NKAIN3: variants seen among roughly 807,000 people sequenced by gnomAD.
The protein encoded by NKAIN3 is sodium/potassium transporting ATPase interacting 3.
A neutral mutation model predicts 30.2 loss-of-function variants in NKAIN3; 25 were observed. The observed-to-expected ratio is 0.83, with a 90% CI of 0.60 to 1.16. The LOEUF is 1.16. Ranked by LOEUF, NKAIN3 falls within the 50% of genes most tolerant of loss-of-function variation. The pLI, the probability that NKAIN3 is intolerant of heterozygous loss-of-function variation, is 0.00. For missense variants in NKAIN3, 225 were observed against 254.1 expected, an observed-to-expected ratio of 0.89 and a Z score of 0.78; for synonymous variants, 91 against 89.6, an observed-to-expected ratio of 1.02 and a Z score of -0.09.
intron 3 of NKAIN3, among the ~76,000 whole-genome samples, chr8:62,718,758 TCCTC>T (rs1269652423): frequency 1.3e-5 from 2 of 152,166 alleles, no homozygotes; most frequent in South Asian, 2.1e-4. Flanking sequence ...ATAATGTACT[TCCTC>T]ACTCTAAGAT....
Position 62,992,050 on chromosome 8 carries a change from G to A in NKAIN3, c.533-7181G>A, listed in dbSNP as rs189497979. 2.7e-4 allele frequency among the ~76,000 whole-genome samples: 40 copies of A among 150,390 alleles called. 1 individual carries two copies. Among genetic ancestry groups the A allele is most frequent in the African/African-American group, 8.1e-4 (33 of 40,690 alleles). On this transcript the variant is annotated intron_variant, in intron 5 of 5. Transcript: ENST00000519049. ...TTTTTTTTCTTTTAGACAGAGTCTC[G>A]CTTTGTCGTCCAGGCTGCAGTGCAG... is the stretch of plus-strand genomic sequence containing the variant.
chr8:62,297,295 C>A (rs548553678), intron 1 of NKAIN3, among the ~76,000 whole-genome samples: 1 of 151,962 alleles, frequency 6.6e-6, no homozygotes, highest in Non-Finnish European at 1.5e-5. Context: ...CCAAAAGCAA[C>A]GGCAACAAAA....
intron 1 of NKAIN3, among the ~76,000 whole-genome samples, chr8:62,318,566 G>A (rs1210110495): frequency 6.7e-6 from 1 of 149,740 alleles, no homozygotes; most frequent in African/African-American, 2.5e-5. Flanking sequence ...TGTGGTTTTT[G>A]TCATTGGTTC....
At chr8:62,343,207 C>T (rs1391666946) in intron 1 of NKAIN3, among the ~76,000 whole-genome samples, 1 of 151,964 alleles carries the variant, frequency 6.6e-6, no homozygotes, top group Non-Finnish European at 1.5e-5. Context: ...CTACCCTGGG[C>T]AATTTACCTA....
At chr8:62,916,156 C>T (rs2130855391) in intron 4 of NKAIN3, among the ~76,000 whole-genome samples, 1 of 152,170 alleles carries the variant, frequency 6.6e-6, no homozygotes, top group Non-Finnish European at 1.5e-5. Context: ...TTCAATGGCA[C>T]TTCTGAAATA....
intron 1 of NKAIN3, among the ~76,000 whole-genome samples, chr8:62,282,343 G>A (rs965963349): frequency 2.6e-5 from 4 of 152,044 alleles, no homozygotes; most frequent in Admixed American, 2.0e-4. Flanking sequence ...TGTGTCCCTC[G>A]GCCTATTCTT....
intron 3 of NKAIN3, among the ~76,000 whole-genome samples, chr8:62,604,562 A>G (rs901897921): frequency 1.3e-5 from 2 of 152,156 alleles, no homozygotes; most frequent in African/African-American, 4.8e-5. Context: ...AAAGCATGTA[A>G]CACATAATTC....
rs1027339075 is a variant in NKAIN3 at position 62,808,682 on chromosome 8, G to C, written c.471+61553G>C. On this transcript the variant is annotated intron_variant, in intron 4 of 6. Coordinates refer to ENST00000623646, the MANE Select transcript of NKAIN3 (RefSeq NM_001304533.3). Reference sequence around the variant, plus strand: ...TCAAAGGGGAGGGAGTGTATGAATAGAGTGTGGGTCACAGAGATCACATGC... The same window carrying C: ...TCAAAGGGGAGGGAGTGTATGAATACAGTGTGGGTCACAGAGATCACATGC... Among the ~76,000 whole-genome samples, 7 of 152,238 alleles carry C rather than the reference G, an allele frequency of 4.6e-5. No homozygotes were observed. The East Asian group carries it at 1.4e-3, about 29-fold the overall frequency.
At chr8:62,390,964 T>C (rs62509224) in intron 1 of NKAIN3, among the ~76,000 whole-genome samples, 20,860 of 152,222 alleles carry the variant, frequency 0.14, 1,723 homozygotes, top group East Asian at 0.4. Context: ...ATGCATAGTT[T>C]GCAAAATTTT....
intron 4 of NKAIN3, among the ~76,000 whole-genome samples, chr8:62,839,303 T>TAA (rs1179226651): frequency 2.9e-5 from 4 of 136,096 alleles, no homozygotes; most frequent in Non-Finnish European, 4.8e-5. Context: ...TTGCCTACAT[T>TAA]AAAAAAAAAA....
intron 1 of NKAIN3, among the ~76,000 whole-genome samples, chr8:62,307,035 C>G (rs528321183): frequency 6.7e-6 from 1 of 149,462 alleles, no homozygotes; most frequent in African/African-American, 2.5e-5. Flanking sequence ...AATTTGAATC[C>G]CCTTCTGAGA....
chr8:62,444,008 C>T (rs917451827), intron 1 of NKAIN3, among the ~76,000 whole-genome samples: 2 of 152,032 alleles, frequency 1.3e-5, no homozygotes, highest in South Asian at 2.1e-4. Flanking sequence ...AAATAGCTTG[C>T]CTAAAGATAA....
At chr8:62,338,240 A>G (rs944436597) in intron 1 of NKAIN3, among the ~76,000 whole-genome samples, 1 of 151,968 alleles carries the variant, frequency 6.6e-6, no homozygotes, top group Non-Finnish European at 1.5e-5. Flanking sequence ...TTGTTTAGAA[A>G]CTATATTCAT....
intron 1 of NKAIN3, among the ~76,000 whole-genome samples, chr8:62,281,261 C>G (rs559542570): frequency 2.0e-5 from 3 of 152,044 alleles, no homozygotes; most frequent in African/African-American, 7.2e-5. Context: ...TGATTCTTCT[C>G]TCTTTTCTTC....
Position 62,944,801 on chromosome 8 carries a change from A to G in NKAIN3, c.533-9101A>G, listed in dbSNP as rs1823075822. On this transcript the variant is annotated intron_variant, in intron 5 of 6. Coordinates refer to ENST00000623646, the MANE Select transcript of NKAIN3 (RefSeq NM_001304533.3). ...AAAATGAAATATTTGTTGGAAAAGC[A>G]CCTCTTAATGAAATGAATGCAGCAG... Among the ~76,000 whole-genome samples, 3 of 152,162 alleles carry G rather than the reference A, an allele frequency of 2.0e-5. No homozygotes were observed. In the South Asian group the frequency reaches 6.2e-4, roughly 31 times the overall value.
chr8:62,481,391 A>T (rs1252646181), intron 1 of NKAIN3, among the ~76,000 whole-genome samples: 1 of 151,932 alleles, frequency 6.6e-6, no homozygotes, highest in South Asian at 2.1e-4. Flanking sequence ...CTCGAGCTGG[A>T]TTATGTATCC....
At chr8:62,332,127 T>C (rs2129590094) in intron 1 of NKAIN3, among the ~76,000 whole-genome samples, 1 of 152,254 alleles carries the variant, frequency 6.6e-6, no homozygotes, top group East Asian at 1.9e-4. Context: ...TAAAAGACTT[T>C]GAAAAGGGAA....
intron 5 of NKAIN3, among the ~76,000 whole-genome samples, chr8:62,945,871 T>G (rs902660355): frequency 2.2e-4 from 34 of 152,196 alleles, no homozygotes; most frequent in African/African-American, 7.2e-4. Context: ...ACAATTGAAC[T>G]ATATCAGTTC....
chr8:62,400,797 C>T lies in NKAIN3; in HGVS notation c.54+151670C>T, dbSNP rs189944064. ...AAGTCCGCTGCCACATGTATTGGAG[C>T]TCCATTGTATATTATTTGTTTTATT... is the stretch of plus-strand genomic sequence containing the variant. On this transcript the variant is annotated intron_variant, in intron 1 of 6. Coordinates refer to ENST00000623646, the MANE Select transcript of NKAIN3 (RefSeq NM_001304533.3). Among the ~76,000 whole-genome samples, 278 of 151,880 alleles carry T rather than the reference C, an allele frequency of 1.8e-3. 1 individual carries two copies. The highest frequency in any genetic ancestry group is 6.4e-3 in the African/African-American group (267 of 41,408).
Sources: allele counts gnomAD v4.1 joint callset (sites outside exome capture counted in the v4.1 genomes callset), GRCh38; gene constraint gnomAD v4.1.1; transcripts MANE v1.5; gene names NCBI Gene and HGNC (gene_info 2026-07-23, HGNC 2026-07-21).